GRIA1: variants seen among roughly 807,000 people sequenced by gnomAD.
GRIA1 encodes the protein glutamate receptor 1.
Under a neutral mutation model 99.2 loss-of-function variants are expected in GRIA1, and 31 were observed. That is an observed-to-expected ratio of 0.31 (90% CI 0.23 to 0.42). The LOEUF is 0.42. GRIA1 is among the 10% of genes least tolerant of loss of function. GRIA1 has a pLI of 1.00. For synonymous variants in GRIA1, 438 were observed against 432.4 expected (o/e 1.01, Z -0.16); for missense variants, 782 against 1,157.5 (o/e 0.68, Z 4.71).
chr5:153,561,313 G>T (rs1581232090), intron 2 of GRIA1, among the ~76,000 whole-genome samples: 2 of 152,096 alleles, frequency 1.3e-5, no homozygotes, highest in East Asian at 3.9e-4. Flanking sequence ...CATGAAACTG[G>T]TAACTTGTAC....
At chr5:153,705,644 G>GCTGCTGAGCTCAC (rs1758832415) in intron 10 of GRIA1, 53 bp from the exon 11 acceptor site, 6 of 1,432,922 alleles carry the variant, frequency 4.2e-6, no homozygotes, top group Non-Finnish European at 5.4e-6. Context: ...AATGAAAAGG[G>GCTGCTGAGCTCAC]CTGCTGAGCT....
chr5:153,790,548 C>G (rs1366437175), intron 13 of GRIA1, among the ~76,000 whole-genome samples: 2 of 152,100 alleles, frequency 1.3e-5, no homozygotes, highest in Non-Finnish European at 2.9e-5. Flanking sequence ...CCAGTCACTG[C>G]TTGCCCAAGA....
At chr5:153,802,609 G>C (rs1419280313) in intron 15 of GRIA1, 119 bp downstream of exon 15, 5 of 964,880 alleles carry the variant, frequency 5.2e-6, no homozygotes, top group Non-Finnish European at 8.1e-6. Context: ...GCACAAGACA[G>C]GAAGCAGGAA....
At position 153,536,863 on chromosome 5, in the gene GRIA1, C is replaced by T. The variant is rs76031985; in HGVS notation, c.220+42798C>T. Among the ~76,000 whole-genome samples the T allele has an allele frequency of 6.6e-5, 10 of 152,282 alleles. No homozygotes were observed. The East Asian group carries it at 1.7e-3, about 26-fold the overall frequency. ...TCTCCATCAGTATTGCCAGTGCCTTCGTTGAGACAGGTCATCTTTGTGGTT... is the reference window on the plus strand; with the variant it reads ...TCTCCATCAGTATTGCCAGTGCCTTTGTTGAGACAGGTCATCTTTGTGGTT... On this transcript the variant is annotated intron_variant, in intron 2 of 15. Transcript: ENST00000285900.
At chr5:153,618,125 C>T (rs558102901) in intron 2 of GRIA1, among the ~76,000 whole-genome samples, 10 of 152,222 alleles carry the variant, frequency 6.6e-5, no homozygotes, top group South Asian at 6.2e-4. Flanking sequence ...GTTAATTTGA[C>T]GAAGGTGGAA....
rs1056406899 is a variant in GRIA1 at position 153,566,557 on chromosome 5, C to G, written c.220+72492C>G. Among the ~76,000 whole-genome samples, 18 of 151,128 alleles carry G rather than the reference C, an allele frequency of 1.2e-4. 2 individuals carry two copies. Among genetic ancestry groups the G allele is most frequent in the Admixed American group, 1.1e-3 (16 of 15,164 alleles). ...CTGACCTCAGGTGATCTGCCTGCCT[C>G]GACCTCCCAAAGTGCTGGGATTACA... On this transcript the variant is annotated intron_variant, in intron 2 of 15. Transcript: ENST00000285900.
intron 2 of GRIA1, chr5:153,525,154 G>A (rs545409563): frequency 2.0e-5 from 3 of 152,186 alleles, no homozygotes; most frequent in Non-Finnish European, 4.4e-5. Flanking sequence ...TTGTTAAGAC[G>A]ATTTATCTTT....
chr5:153,657,159 T>C (rs1417372461), intron 5 of GRIA1, among the ~76,000 whole-genome samples: 1 of 152,242 alleles, frequency 6.6e-6, no homozygotes, highest in African/African-American at 2.4e-5. Flanking sequence ...ATAATGCTGC[T>C]ATAAAATATT....
intron 2 of GRIA1, among the ~76,000 whole-genome samples, chr5:153,527,087 A>G (rs967023491): frequency 1.3e-5 from 2 of 152,148 alleles, no homozygotes; most frequent in African/African-American, 2.4e-5. Flanking sequence ...GGCTCTTCCA[A>G]ATTTAATCCA....
At chr5:153,583,879 G>A (rs1763249719) in intron 2 of GRIA1, among the ~76,000 whole-genome samples, 1 of 152,166 alleles carries the variant, frequency 6.6e-6, no homozygotes, top group Admixed American at 6.5e-5. Context: ...CCAGACTGGG[G>A]CACCAAGTAT....
intron 11 of GRIA1, chr5:153,755,436 G>A (rs546262671): frequency 3.5e-4 from 53 of 152,316 alleles, no homozygotes; most frequent in African/African-American, 1.3e-3. Flanking sequence ...GCTGAGGCAG[G>A]GGGATTACTT....
At chr5:153,799,985 T>C (rs1765900918) in intron 14 of GRIA1, among the ~76,000 whole-genome samples, 1 of 152,146 alleles carries the variant, frequency 6.6e-6, no homozygotes. Context: ...TTAGGGCCTT[T>C]TGAAGATAAT....
At chr5:153,696,717 T>G (rs1428728057) in intron 8 of GRIA1, among the ~76,000 whole-genome samples, 1 of 152,236 alleles carries the variant, frequency 6.6e-6, no homozygotes, top group Non-Finnish European at 1.5e-5. Flanking sequence ...CCAATGCATA[T>G]GCACTTCTAG....
chr5:153,776,866 G>C (rs1764287722), intron 13 of GRIA1, among the ~76,000 whole-genome samples: 2 of 152,176 alleles, frequency 1.3e-5, no homozygotes, highest in Non-Finnish European at 2.9e-5. Context: ...GATAAAACAT[G>C]CTTGTATCTT....
intron 2 of GRIA1, among the ~76,000 whole-genome samples, chr5:153,538,615 G>T (rs1182026584): frequency 6.6e-6 from 1 of 152,138 alleles, no homozygotes; most frequent in African/African-American, 2.4e-5. Context: ...CCCTCTGGGA[G>T]GTCTACTGCA....
At chr5:153,507,303 C>T (rs1377781849) in intron 2 of GRIA1, among the ~76,000 whole-genome samples, 2 of 152,046 alleles carry the variant, frequency 1.3e-5, no homozygotes, top group Non-Finnish European at 2.9e-5. Flanking sequence ...AAACATTCCA[C>T]CACCCCCACA....
At chr5:153,686,370 C>A in intron 8 of GRIA1, 41 bp downstream of exon 8, 1 of 1,462,388 alleles carries the variant, frequency 6.8e-7, no homozygotes, top group Non-Finnish European at 9.6e-7. Flanking sequence ...AGAGAAGAGG[C>A]TGAGCAGGGA....
At chr5:153,705,556 T>A in intron 10 of GRIA1, 141 bp from the exon 11 acceptor site, 3 of 1,027,576 alleles carry the variant, frequency 2.9e-6, no homozygotes, top group South Asian at 4.1e-5. Flanking sequence ...TAGGAGGGGT[T>A]GGACTTCAAA....
At chr5:153,645,667 A>G (rs1581393527) in intron 2 of GRIA1, among the ~76,000 whole-genome samples, 1 of 152,176 alleles carries the variant, frequency 6.6e-6, no homozygotes, top group African/African-American at 2.4e-5. Flanking sequence ...TTGTGGGGCT[A>G]TAGTTTCATG....
Sources: gnomAD v4.1 joint callset for allele counts (sites outside exome capture counted in the v4.1 genomes callset) on GRCh38, gnomAD v4.1.1 for gene constraint, MANE v1.5 for transcripts, NCBI Gene and HGNC (gene_info 2026-07-23, HGNC 2026-07-21) for gene names.